Variants in LRRTM4 observed in about 807,000 individuals in gnomAD.
LRRTM4 encodes the protein leucine rich repeat transmembrane neuronal 4, also known as leucine-rich repeat transmembrane neuronal protein 4.
LRRTM4 carries 25 observed loss-of-function variants against 47.6 expected under a neutral mutation model. That is an observed-to-expected ratio of 0.53 (90% CI 0.38 to 0.73). LRRTM4 has a LOEUF of 0.73. Among genes scored for constraint, LRRTM4 ranks in the 30% least tolerant of loss-of-function variants. The pLI is 0.00. For synonymous variants in LRRTM4, 311 were observed against 269.5 expected, an observed-to-expected ratio of 1.15 and a Z score of -1.51; for missense variants, 638 against 713.4, an observed-to-expected ratio of 0.89 and a Z score of 1.20.
chr2:77,200,494 A>C (rs1440110384), intron 3 of LRRTM4, among the ~76,000 whole-genome samples: 1 of 152,128 alleles, frequency 6.6e-6, no homozygotes, highest in Non-Finnish European at 1.5e-5. Flanking sequence ...CAAAGCAATT[A>C]ACATTCTAAA....
intron 3 of LRRTM4, among the ~76,000 whole-genome samples, chr2:77,000,029 G>C (rs1387500898): frequency 6.6e-6 from 1 of 151,978 alleles, no homozygotes; most frequent in Non-Finnish European, 1.5e-5. Flanking sequence ...TTCTTCTTTA[G>C]ACATTACTGA....
intron 3 of LRRTM4, among the ~76,000 whole-genome samples, chr2:77,094,741 G>C (rs1004109011): frequency 6.6e-6 from 1 of 152,096 alleles, no homozygotes; most frequent in African/African-American, 2.4e-5. Context: ...TCAAAAGAAT[G>C]AAATTGGATA....
At chr2:77,481,981 C>T (rs757620730) in intron 3 of LRRTM4, among the ~76,000 whole-genome samples, 1 of 151,576 alleles carries the variant, frequency 6.6e-6, no homozygotes, top group Admixed American at 6.6e-5. Flanking sequence ...AGTTCTGTTG[C>T]AATTTTTACA....
rs147253628 is a variant in LRRTM4 at position 76,766,595 on chromosome 2, G to A, written c.1552-17679C>T. 5.6e-4 allele frequency among the ~76,000 whole-genome samples: 85 copies of A among 152,290 alleles called. 1 individual carries two copies. Among genetic ancestry groups the A allele is most frequent in the Non-Finnish European group, 8.5e-4 (58 of 68,020 alleles). On this transcript the variant is annotated intron_variant, in intron 3 of 3. Coordinates refer to ENST00000409884, the MANE Select transcript of LRRTM4 (RefSeq NM_001134745.3). ...CTTCATCAAGTTCTCTTGCTGTCTG[G>A]CTGATTCATTTCTGTAAGTAAGAGG...
chr2:77,155,669 A>C, intron 3 of LRRTM4, among the ~76,000 whole-genome samples: 1 of 152,112 alleles, frequency 6.6e-6, no homozygotes, highest in East Asian at 1.9e-4. Context: ...AAGATATCAA[A>C]GAGAGCACCA....
intron 3 of LRRTM4, among the ~76,000 whole-genome samples, chr2:77,250,632 T>C (rs955323172): frequency 1.8e-4 from 28 of 152,168 alleles, no homozygotes; most frequent in Admixed American, 5.2e-4. Context: ...AAGTAAAATA[T>C]GAACACAAAT....
chr2:76,932,285 T>G (rs963856497), intron 3 of LRRTM4, among the ~76,000 whole-genome samples: 3 of 152,140 alleles, frequency 2.0e-5, no homozygotes, highest in Non-Finnish European at 2.9e-5. Context: ...AAAAACAGGT[T>G]CTACCATTAT....
chr2:77,513,833 T>C (rs2104110726), intron 3 of LRRTM4, among the ~76,000 whole-genome samples: 1 of 152,200 alleles, frequency 6.6e-6, no homozygotes, highest in East Asian at 1.9e-4. Context: ...CCCAAATTAC[T>C]GGGATTACAG....
At chr2:77,100,846 C>CTTTT (rs752749316) in intron 3 of LRRTM4, among the ~76,000 whole-genome samples, 25 of 122,960 alleles carry the variant, frequency 2.0e-4, no homozygotes, top group South Asian at 5.2e-4. Context: ...AGCTCTGATT[C>CTTTT]TTTTTTTTTT....
intron 3 of LRRTM4, among the ~76,000 whole-genome samples, chr2:77,315,140 A>G (rs983286248): frequency 4.6e-5 from 7 of 152,204 alleles, no homozygotes; most frequent in Non-Finnish European, 8.8e-5. Flanking sequence ...TGTTGCATGT[A>G]TTAAAGAATA....
chr2:76,926,445 T>C (rs1458851252), intron 3 of LRRTM4, among the ~76,000 whole-genome samples: 1 of 152,172 alleles, frequency 6.6e-6, no homozygotes, highest in East Asian at 1.9e-4. Context: ...CTATTTTGTA[T>C]ATGACAAGGA....
intron 3 of LRRTM4, among the ~76,000 whole-genome samples, chr2:77,198,584 T>C (rs1035848023): frequency 2.7e-4 from 41 of 152,266 alleles, no homozygotes; most frequent in Non-Finnish European, 4.1e-4. Context: ...GATAAAGGAA[T>C]GAAAGTTTAG....
At chr2:77,029,163 C>A (rs981255514) in intron 3 of LRRTM4, among the ~76,000 whole-genome samples, 1 of 149,852 alleles carries the variant, frequency 6.7e-6, no homozygotes, top group African/African-American at 2.5e-5. Context: ...AGTTTGATAA[C>A]GTTAGTATTT....
At chr2:77,178,925 T>C (rs1056870173) in intron 3 of LRRTM4, among the ~76,000 whole-genome samples, 1 of 152,202 alleles carries the variant, frequency 6.6e-6, no homozygotes, top group Non-Finnish European at 1.5e-5. Flanking sequence ...AGTGTGAACT[T>C]TTTTATAGCC....
chr2:77,060,887 C>T (rs1679764133), intron 3 of LRRTM4, among the ~76,000 whole-genome samples: 1 of 152,062 alleles, frequency 6.6e-6, no homozygotes, highest in Non-Finnish European at 1.5e-5. Flanking sequence ...GTTTATGACT[C>T]AACCACAATT....
At chr2:77,304,495 G>A (rs1677220489) in intron 3 of LRRTM4, among the ~76,000 whole-genome samples, 1 of 151,692 alleles carries the variant, frequency 6.6e-6, no homozygotes, top group Non-Finnish European at 1.5e-5. Context: ...TTTTATCCAT[G>A]AAACAACTGA....
intron 3 of LRRTM4, among the ~76,000 whole-genome samples, chr2:77,112,904 C>G (rs1359778226): frequency 6.6e-6 from 1 of 152,082 alleles, no homozygotes; most frequent in Non-Finnish European, 1.5e-5. Context: ...ACTCATGGTT[C>G]GCATTCTCAA....
chr2:77,427,872 T>A (rs1675184275), intron 3 of LRRTM4, among the ~76,000 whole-genome samples: 1 of 152,202 alleles, frequency 6.6e-6, no homozygotes, highest in Non-Finnish European at 1.5e-5. Flanking sequence ...GTAGCATAAA[T>A]TTGCCAACTT....
chr2:76,784,949 G>C (rs990868780), intron 3 of LRRTM4, among the ~76,000 whole-genome samples: 1 of 152,116 alleles, frequency 6.6e-6, no homozygotes, highest in Non-Finnish European at 1.5e-5. Context: ...CTGAGTGGCA[G>C]ATTGCACTTC....
Sources: gnomAD v4.1 joint callset for allele counts (sites outside exome capture counted in the v4.1 genomes callset) on GRCh38, gnomAD v4.1.1 for gene constraint, MANE v1.5 for transcripts, NCBI Gene and HGNC (gene_info 2026-07-23, HGNC 2026-07-21) for gene names.